The following MVB12B variants were observed in gnomAD, a reference collection of about 807,000 sequenced individuals.
MVB12B encodes the protein multivesicular body subunit 12B.
A neutral mutation model predicts 41.6 loss-of-function variants in MVB12B; 16 were observed. The ratio of observed to expected loss-of-function variants is 0.38; its 90% CI spans 0.26 to 0.58. The LOEUF (loss-of-function observed/expected upper bound fraction) is 0.58, where lower values mean the gene tolerates loss of function less well. Ranked by LOEUF, MVB12B falls within the 20% of genes least tolerant of loss-of-function variation. The pLI is 0.62. For synonymous variants in MVB12B, 133 were observed against 139.7 expected (o/e 0.95, Z 0.34); for missense variants, 274 against 380.2 (o/e 0.72, Z 2.32).
At chr9:126,346,551 T>G (rs1829594465) in intron 2 of MVB12B, among the ~76,000 whole-genome samples, 1 of 152,048 alleles carries the variant, frequency 6.6e-6, no homozygotes, top group East Asian at 1.9e-4. Context: ...TTGTATGACA[T>G]CTAGCGGAGC....
chr9:126,375,363 C>CTTTTTTTTTTT (rs35585049), intron 2 of MVB12B, among the ~76,000 whole-genome samples: 4 of 105,208 alleles, frequency 3.8e-5, no homozygotes, highest in Admixed American at 1.1e-4. Context: ...TAAATTGATT[C>CTTTTTTTTTTT]TTTTTTTTTT....
chr9:126,446,184 T>C (rs138141177), intron 7 of MVB12B, among the ~76,000 whole-genome samples: 40 of 152,262 alleles, frequency 2.6e-4, no homozygotes, highest in African/African-American at 8.7e-4. Context: ...AATTTGAGTT[T>C]CATATAAAAA....
chr9:126,370,679 G>A (rs1830313242), intron 2 of MVB12B, among the ~76,000 whole-genome samples: 1 of 152,090 alleles, frequency 6.6e-6, no homozygotes, highest in African/African-American at 2.4e-5. Flanking sequence ...ACCGCGCCTG[G>A]CCTGGAGGGG....
intron 3 of MVB12B, among the ~76,000 whole-genome samples, chr9:126,381,804 G>C (rs1450993531): frequency 1.3e-5 from 2 of 151,770 alleles, no homozygotes; most frequent in African/African-American, 4.8e-5. Context: ...AATAGCTTTG[G>C]TGAGTATCTG....
chr9:126,366,160 A>G (rs1423479830), intron 2 of MVB12B, among the ~76,000 whole-genome samples: 1 of 151,426 alleles, frequency 6.6e-6, no homozygotes. Flanking sequence ...CCTTCATCTC[A>G]CCAGCTCCTC....
intron 3 of MVB12B, among the ~76,000 whole-genome samples, chr9:126,384,982 A>G (rs576633301): frequency 1.3e-5 from 2 of 151,220 alleles, no homozygotes; most frequent in Admixed American, 6.6e-5. Context: ...GACTACATGC[A>G]TGAGTGCCAC....
At chr9:126,405,297 TTC>T (rs1221794926) in intron 6 of MVB12B, among the ~76,000 whole-genome samples, 4 of 152,164 alleles carry the variant, frequency 2.6e-5, no homozygotes, top group African/African-American at 9.7e-5. Context: ...AATTATTCCC[TTC>T]TGAGTCCAGC....
intron 7 of MVB12B, among the ~76,000 whole-genome samples, chr9:126,466,983 A>G (rs1311103629): frequency 6.6e-6 from 1 of 151,732 alleles, no homozygotes; most frequent in Non-Finnish European, 1.5e-5. Flanking sequence ...ATGTGCCACC[A>G]TGCCCGGCTA....
In MVB12B at chr9:126,386,445, T is replaced by G. The variant is rs1588129416; in HGVS notation, c.313-117T>G. The G allele has an allele frequency of 4.4e-6, 3 of 674,312 alleles. No individual in the cohort carries two copies. The highest frequency in any genetic ancestry group is 2.2e-5 in the Admixed American group (1 of 46,130). The allele number at this position is 674,312 out of a possible 1,614,324, so 41.8% of individuals were successfully genotyped here. On this transcript the variant is annotated intron_variant, in intron 3 of 9. Transcript: ENST00000361171. The surrounding 1 kb of genome is among the most constrained non-coding windows in gnomAD (Gnocchi z 4.3). ...TAAGTGTCACCTACTCTAATTAACC[T>G]GCTGTCATAAAGCTGCACGAGTCAT...
rs1828985731 is a variant in MVB12B, at chr9:126,326,949, T to C, written c.20T>C (p.Val7Ala). The change falls in exon 1 of 10, where the codon GTG becomes GCG. Residue 7 changes from valine (V) to alanine (A), a missense_variant. By Grantham distance (64) the Val-to-Ala change is moderately conservative. Transcript: ENST00000361171. ...CGGGCGATGAGAAGCTGCTTCTGCG[T>C]GAGACGGAGCCGGGACCCGCCGCCG... MRSCFC[V>A]RRSRDPPPPQ... is the part of the protein sequence containing the mutation. 1 of 272,948 alleles carries C rather than the reference T, an allele frequency of 3.7e-6. No homozygotes were observed. Among genetic ancestry groups the C allele is most frequent in the Non-Finnish European group, 7.4e-6 (1 of 135,796 alleles). 16.9% of individuals were successfully genotyped at this position (272,948 alleles called of 1,614,324 possible).
intron 2 of MVB12B, among the ~76,000 whole-genome samples, chr9:126,368,884 TTG>T (rs1459843975): frequency 2.0e-5 from 3 of 152,352 alleles, no homozygotes; most frequent in African/African-American, 4.8e-5. Flanking sequence ...TCGTTGTAAT[TTG>T]TGTTTTTAAT....
At chr9:126,454,798 T>TG (rs1288629744) in intron 7 of MVB12B, among the ~76,000 whole-genome samples, 1 of 152,216 alleles carries the variant, frequency 6.6e-6, no homozygotes, top group African/African-American at 2.4e-5. Flanking sequence ...GTTTTTTTTT[T>TG]TTTAACCAGC....
intron 5 of MVB12B, among the ~76,000 whole-genome samples, chr9:126,394,973 G>A (rs551011469): frequency 5.9e-5 from 9 of 152,194 alleles, no homozygotes; most frequent in African/African-American, 2.2e-4. Context: ...TGGTGACTGC[G>A]AGGGAGGTCA....
At chr9:126,503,055 C>T (rs28641758) in intron 9 of MVB12B, 122 bp from the exon 10 acceptor site, 418,972 of 863,098 alleles carry the variant, frequency 0.49, 104,119 homozygotes, top group African/African-American at 0.69. Flanking sequence ...CCAGCTGCGC[C>T]ATGTCAAGAT....
chr9:126,420,587 T>A (rs1026820993), intron 6 of MVB12B, among the ~76,000 whole-genome samples: 1 of 124,670 alleles, frequency 8.0e-6, no homozygotes, highest in African/African-American at 2.7e-5. Context: ...TTTTTTTTTT[T>A]TTTTTTTGAG....
chr9:126,399,023 C>T (rs1831196150), intron 6 of MVB12B, among the ~76,000 whole-genome samples: 1 of 152,170 alleles, frequency 6.6e-6, no homozygotes, highest in Non-Finnish European at 1.5e-5. Context: ...GGAACTGCCT[C>T]TAGAAGCAGG....
In MVB12B at chr9:126,340,591, G is replaced by C. The variant is rs1375712976; in HGVS notation, c.165G>C (p.Val55=). The stretch of plus-strand genomic sequence containing the variant: ...TGGATCCCATCACGGGAGTCGGGGT[G>C]GTGGCTTCTCGGAACCGAGCCCCGA... ...TSMDPITGVG[V]VASRNRAPTG... is the part of the protein sequence containing the mutation. The change falls in exon 2 of 10, where the codon GTG becomes GTC. Residue 55 remains valine, a synonymous_variant. Coordinates refer to ENST00000361171, the MANE Select transcript of MVB12B (RefSeq NM_033446.3). The surrounding 1 kb of genome is among the most constrained non-coding windows in gnomAD (Gnocchi z 4.0). 15 of 1,614,070 alleles carry C rather than the reference G, an allele frequency of 9.3e-6. No homozygotes were observed. The East Asian group carries it at 3.3e-4, about 36-fold the overall frequency.
chr9:126,369,716 C>T (rs796839294), intron 2 of MVB12B, among the ~76,000 whole-genome samples: 1 of 152,152 alleles, frequency 6.6e-6, no homozygotes. Context: ...TGCAATAGCG[C>T]AATCTCAGCT....
Position 126,506,821 on chromosome 9 carries a change from A to T in MVB12B, c.*3558A>T, listed in dbSNP as rs753483546. On this transcript the variant is annotated 3_prime_UTR_variant, in exon 10 of 10. Transcript: ENST00000361171. ...GGCCTCCTCCTGCCACTCTGAGCAC[A>T]TGTCCGGGGGTTGCCACCAGAGACG... 6.6e-6 allele frequency: 1 copy of T among 152,290 alleles called. No homozygotes were observed. The highest frequency in any genetic ancestry group is 1.5e-5 in the Non-Finnish European group (1 of 68,046). 9.4% of individuals were successfully genotyped at this position (152,290 alleles called of 1,614,324 possible).
Sources: allele counts gnomAD v4.1 joint callset (sites outside exome capture counted in the v4.1 genomes callset), GRCh38; gene constraint gnomAD v4.1.1; non-coding constraint Gnocchi (gnomAD v3.1); transcripts MANE v1.5; gene names NCBI Gene and HGNC (gene_info 2026-07-23, HGNC 2026-07-21).